The following TBC1D9 variants were observed in gnomAD, a reference collection of about 807,000 sequenced individuals.
TBC1D9 encodes TBC1 domain family member 9A.
A neutral mutation model predicts 132.0 loss-of-function variants in TBC1D9; 63 were observed. The observed-to-expected ratio is 0.48, with a 90% CI of 0.39 to 0.59. TBC1D9 has a LOEUF of 0.59. Among genes scored for constraint, TBC1D9 ranks in the 20% least tolerant of loss-of-function variants. The pLI is 0.00. For missense variants in TBC1D9, 1,261 were observed against 1,592.7 expected (o/e 0.79, Z 3.54); for synonymous variants, 610 against 609.9 (o/e 1.00, Z 0.00).
intron 3 of TBC1D9, among the ~76,000 whole-genome samples, chr4:140,680,286 A>C (rs897350078): frequency 1.3e-5 from 2 of 152,122 alleles, no homozygotes; most frequent in Non-Finnish European, 2.9e-5. Context: ...TCAGCTCCAC[A>C]CTCACTGTCT....
intron 13 of TBC1D9, among the ~76,000 whole-genome samples, chr4:140,655,419 C>T (rs1420256474): frequency 2.0e-5 from 3 of 152,178 alleles, no homozygotes; most frequent in African/African-American, 4.8e-5. Flanking sequence ...TTTCTGATCT[C>T]ACTCCATTCC....
chr4:140,737,017 G>A lies in TBC1D9; in HGVS notation c.130+18899C>T, dbSNP rs1578862283. The stretch of plus-strand genomic sequence containing the variant: ...CATGGCCAAGGGTGTGGGGGCAGCA[G>A]GGGTGGGAATGGTTTCGGGATGAAA... On this transcript the variant is annotated intron_variant, in intron 1 of 20. Transcript: ENST00000442267. Among the ~76,000 whole-genome samples, 6 of 152,296 alleles carry A rather than the reference G, an allele frequency of 3.9e-5. No homozygotes were observed. The South Asian group carries it at 1.0e-3, about 26-fold the overall frequency.
intron 13 of TBC1D9, among the ~76,000 whole-genome samples, chr4:140,654,687 T>C (rs1483296585): frequency 6.6e-6 from 1 of 152,188 alleles, no homozygotes; most frequent in Non-Finnish European, 1.5e-5. Context: ...TAAATGCATA[T>C]GGAAATAGTT....
intron 13 of TBC1D9, chr4:140,643,257 G>A: frequency 7.6e-7 from 1 of 1,308,878 alleles, no homozygotes; most frequent in Non-Finnish European, 1.1e-6. Context: ...CTCCAGCTCT[G>A]CGATCTCGCT....
In TBC1D9 at chr4:140,634,017, G is replaced by A. The variant is rs1402462741; in HGVS notation, c.2677C>T (p.Arg893Cys). The change falls in exon 16 of 21, where the codon CGC (arginine) becomes TGC (cysteine). Residue 893 changes from arginine to cysteine, a missense_variant. Around this residue, in one of 3 missense-constraint regions of TBC1D9, gnomAD observed 618 missense variants for 724.4 expected, o/e 0.85. Transcript: ENST00000442267. ...CGTHSDVLAS[R>C]LFQLLDENGD... Reference sequence around the variant, plus strand: ...TTTTCATCTAATAACTGGAACAAGCGGGAGGCCAGAACGTCAGAGTGAGTT... The same window carrying A: ...TTTTCATCTAATAACTGGAACAAGCAGGAGGCCAGAACGTCAGAGTGAGTT... 1.9e-6 allele frequency: 3 copies of A among 1,613,908 alleles called. No homozygotes were observed. Among genetic ancestry groups the A allele is most frequent in the South Asian group, 1.1e-5 (1 of 91,066 alleles).
chr4:140,704,175 A>T (rs1738114511), intron 1 of TBC1D9, among the ~76,000 whole-genome samples: 1 of 152,068 alleles, frequency 6.6e-6, no homozygotes, highest in African/African-American at 2.4e-5. Flanking sequence ...GGGCGGGTGG[A>T]TCACTTGAGG....
intron 16 of TBC1D9, among the ~76,000 whole-genome samples, chr4:140,629,600 T>C (rs1307013122): frequency 6.6e-6 from 1 of 152,226 alleles, no homozygotes; most frequent in Non-Finnish European, 1.5e-5. Context: ...TCATATGATG[T>C]GATTTGTTTA....
chr4:140,642,792 C>T (rs1387722452), intron 13 of TBC1D9: 3 of 630,234 alleles, frequency 4.8e-6, no homozygotes, highest in Non-Finnish European at 5.6e-6. Context: ...CTCAGCTTTC[C>T]GCTACTGTTG....
chr4:140,623,036 C>G, intron 20 of TBC1D9, 119 bp from the exon 21 acceptor site: 2 of 1,257,598 alleles, frequency 1.6e-6, no homozygotes, highest in African/African-American at 1.5e-5. Flanking sequence ...AAGTCCTCCG[C>G]CTAGGCTGGA....
At chr4:140,639,183 C>A in intron 14 of TBC1D9, 29 bp from the exon 15 acceptor site, 1 of 1,538,552 alleles carries the variant, frequency 6.5e-7, no homozygotes, top group Non-Finnish European at 8.8e-7. Context: ...AAATGAATTT[C>A]ACAAACTCAA....
At chr4:140,657,041 C>T in intron 13 of TBC1D9, 56 bp downstream of exon 13, 2 of 1,587,420 alleles carry the variant, frequency 1.3e-6, no homozygotes, top group Non-Finnish European at 1.7e-6. Context: ...AAACAGGCAG[C>T]AGTGGAAGTG....
chr4:140,704,090 G>A (rs937882416), intron 1 of TBC1D9, among the ~76,000 whole-genome samples: 1 of 152,138 alleles, frequency 6.6e-6, no homozygotes, highest in East Asian at 1.9e-4. Flanking sequence ...TGGGTTTAGA[G>A]GGTTGCAATC....
intron 1 of TBC1D9, 121 bp from the exon 2 acceptor site, chr4:140,701,735 C>T: frequency 1.4e-6 from 1 of 704,090 alleles, no homozygotes; most frequent in South Asian, 1.9e-5. Context: ...CCCACTGAAC[C>T]ACACCTTGAA....
At chr4:140,719,971 C>T (rs1304480267) in intron 1 of TBC1D9, among the ~76,000 whole-genome samples, 2 of 152,168 alleles carry the variant, frequency 1.3e-5, no homozygotes, top group East Asian at 3.8e-4. Context: ...AGCTATATAA[C>T]TGATAAAAAC....
chr4:140,634,224 T>C (rs754548895), intron 15 of TBC1D9, 36 bp from the exon 16 acceptor site: 2 of 1,598,350 alleles, frequency 1.3e-6, no homozygotes, highest in Non-Finnish European at 1.7e-6. Flanking sequence ...GGACCCTCTT[T>C]TGCAGCAAAT....
At chr4:140,675,201 A>G (rs2111014194) in intron 6 of TBC1D9, among the ~76,000 whole-genome samples, 1 of 149,814 alleles carries the variant, frequency 6.7e-6, no homozygotes, top group South Asian at 2.2e-4. Flanking sequence ...TGAACAGTGG[A>G]ACTAGGGCGG....
chr4:140,672,158 T>C lies in TBC1D9; in HGVS notation c.1060-1232A>G, dbSNP rs564931290. Among the ~76,000 whole-genome samples the C allele has an allele frequency of 3.3e-5, 5 of 151,652 alleles. No individual in the cohort carries two copies. In the East Asian group the frequency reaches 9.7e-4, roughly 29 times the overall value. ...ATCTGACTGCTGTTTTCAGAATATA[T>C]GTGTTAGAGTATATATGATTCTTTT... On this transcript the variant is annotated intron_variant, in intron 6 of 20. Coordinates refer to ENST00000442267, the MANE Select transcript of TBC1D9 (RefSeq NM_015130.3).
At chr4:140,745,139 A>C (rs781369429) in intron 1 of TBC1D9, among the ~76,000 whole-genome samples, 3 of 152,154 alleles carry the variant, frequency 2.0e-5, no homozygotes, top group Non-Finnish European at 4.4e-5. Flanking sequence ...CTGATGTCTT[A>C]TGTCCATCCC....
At chr4:140,646,801 T>G (rs1019018568) in intron 13 of TBC1D9, among the ~76,000 whole-genome samples, 2 of 152,200 alleles carry the variant, frequency 1.3e-5, no homozygotes, top group Admixed American at 6.5e-5. Flanking sequence ...AAAGCAGGAT[T>G]TATGGAAGAA....
Sources: gnomAD v4.1 joint callset for allele counts (sites outside exome capture counted in the v4.1 genomes callset) on GRCh38, gnomAD v4.1.1 for gene constraint, gnomAD v4.1.1 regional missense constraint, MANE v1.5 for transcripts, NCBI Gene and HGNC (gene_info 2026-07-23, HGNC 2026-07-21) for gene names.